MAP7D2: variants seen among roughly 807,000 people sequenced by gnomAD.
MAP7D2 encodes the protein MAP7 domain containing 2.
A neutral mutation model predicts 63.5 loss-of-function variants in MAP7D2; 33 were observed. The ratio of observed to expected loss-of-function variants is 0.52; its 90% CI spans 0.39 to 0.70. The LOEUF is 0.70. Ranked by LOEUF, MAP7D2 falls within the 30% of genes least tolerant of loss-of-function variation. The pLI is 0.00. For synonymous variants in MAP7D2, 224 were observed against 223.7 expected, an observed-to-expected ratio of 1.00 and a Z score of -0.01; for missense variants, 626 against 604.0, an observed-to-expected ratio of 1.04 and a Z score of -0.38.
chrX:20,022,880 T>C (rs1166886545), intron 10 of MAP7D2, among the ~76,000 whole-genome samples: 1 of 112,487 alleles, frequency 8.9e-6, no homozygotes, highest in Non-Finnish European at 1.9e-5. Flanking sequence ...AAACAATCTA[T>C]AGATTTGTGC....
chrX:20,092,994 C>T (rs192220870), intron 1 of MAP7D2, among the ~76,000 whole-genome samples: 47 of 111,951 alleles, frequency 4.2e-4, no homozygotes, highest in Admixed American at 3.8e-4. Flanking sequence ...GTTCATTGCT[C>T]CCCAGGCTGT....
intron 8 of MAP7D2, among the ~76,000 whole-genome samples, chrX:20,031,527 G>A (rs1206443203): frequency 1.8e-5 from 2 of 110,248 alleles, no homozygotes; most frequent in Non-Finnish European, 3.8e-5. Context: ...GTACAAAGGA[G>A]AGGGCGAGGC....
At position 20,012,494 on chromosome X, in the gene MAP7D2, C is replaced by T. The variant is rs1008418062; in HGVS notation, c.1927G>A (p.Asp643Asn). 1.7e-6 allele frequency: 2 copies of T among 1,202,744 alleles called. No homozygotes were observed. Among genetic ancestry groups the T allele is most frequent in the African/African-American group, 1.7e-5 (1 of 57,615 alleles). The change falls in exon 15 of 17, where the codon GAT becomes AAT. Residue 643 changes from aspartate (D) to asparagine (N), a missense_variant. By Grantham distance (23) the Asp-to-Asn change is conservative. Transcript: ENST00000379643. ...GGATAAGTTTCTGGGGCAGCGTGAT[C>T]CACACCATTAACTTCCTGGCAGGTG... ...LNTCQEVNGV[D>N]HAAPETYPQD...
At chrX:20,091,516 A>G (rs1422639064) in intron 1 of MAP7D2, among the ~76,000 whole-genome samples, 1 of 110,065 alleles carries the variant, frequency 9.1e-6, no homozygotes, top group East Asian at 2.9e-4. Flanking sequence ...CTAAAAATAC[A>G]AAAATTAGCC....
At chrX:20,032,877 C>A (rs2074098429) in intron 8 of MAP7D2, among the ~76,000 whole-genome samples, 1 of 112,229 alleles carries the variant, frequency 8.9e-6, no homozygotes, top group Non-Finnish European at 1.9e-5. Flanking sequence ...GCTTCCTGAC[C>A]CAAAAGATGC....
At position 20,098,868 on chromosome X, in the gene MAP7D2, G is replaced by A. The variant is rs1398643524; in HGVS notation, c.130+17882C>T. Among the ~76,000 whole-genome samples, 4 of 112,568 alleles carry A rather than the reference G, an allele frequency of 3.6e-5. No homozygotes were observed. In the South Asian group the frequency reaches 1.1e-3, roughly 31 times the overall value. ...ACACAGCAGGCAGAGATAAGTGGAT[G>A]TCTAAGAAGTCAGCAGCACTCCATA... On this transcript the variant is annotated intron_variant, in intron 1 of 16. Transcript: ENST00000379643.
chrX:20,050,416 CT>C (rs1176926627), intron 6 of MAP7D2, among the ~76,000 whole-genome samples: 1 of 112,128 alleles, frequency 8.9e-6, no homozygotes, highest in Non-Finnish European at 1.9e-5. Flanking sequence ...TTTAAAATAG[CT>C]CCATCTTATA....
chrX:20,056,784 A>C lies in MAP7D2; in HGVS notation c.380T>G (p.Leu127Arg), dbSNP rs1330252542. 5 of 1,210,080 alleles carry C rather than the reference A, an allele frequency of 4.1e-6. No homozygotes were observed. The highest frequency in any genetic ancestry group is 2.4e-4 in the Middle Eastern group (1 of 4,212). The part of the protein sequence containing the change: ...KQKLREEEER[L>R]EAMMRRSLER... ...CAGGGACCGGCGCATCATCGCCTCC[A>C]GCCGTTCCTACACAGTTCGTGTAAG... is the stretch of plus-strand genomic sequence containing the variant. The change falls in exon 4 of 17, where the codon CTG becomes CGG. Residue 127 changes from leucine to arginine, a missense_variant. By Grantham distance (102) the Leu-to-Arg change is moderately radical. Coordinates refer to ENST00000379643, the MANE Select transcript of MAP7D2 (RefSeq NM_001168465.2).
At chrX:20,094,515 TG>T (rs2066172563) in intron 1 of MAP7D2, among the ~76,000 whole-genome samples, 1 of 5,593 alleles carries the variant, frequency 1.8e-4, no homozygotes, top group Non-Finnish European at 2.7e-4. Flanking sequence ...TATATATATA[TG>T]TATATATATA....
At chrX:20,010,651 T>C in intron 16 of MAP7D2, 126 bp downstream of exon 16, 1 of 528,372 alleles carries the variant, frequency 1.9e-6, no homozygotes, top group Non-Finnish European at 3.1e-6. Flanking sequence ...TAGTATACCA[T>C]AATATATTCA....
At chrX:20,079,716 C>A (rs1452328647) in intron 1 of MAP7D2, among the ~76,000 whole-genome samples, 2 of 111,770 alleles carry the variant, frequency 1.8e-5, no homozygotes, top group East Asian at 2.8e-4. Flanking sequence ...AGAGGCAAGA[C>A]CTTTTGAAAA....
At chrX:20,029,018 T>A (rs774749895) in intron 8 of MAP7D2, among the ~76,000 whole-genome samples, 1 of 111,921 alleles carries the variant, frequency 8.9e-6, no homozygotes, top group African/African-American at 3.2e-5. Context: ...TTTCTCTGAT[T>A]GGTGAGAATG....
chrX:20,098,911 T>C, intron 1 of MAP7D2, among the ~76,000 whole-genome samples: 2 of 112,721 alleles, frequency 1.8e-5, no homozygotes, highest in Non-Finnish European at 3.8e-5. Context: ...GGCCACAGTT[T>C]GGTTCAGGCT....
intron 3 of MAP7D2, among the ~76,000 whole-genome samples, chrX:20,057,605 C>T (rs1390744473): frequency 8.9e-6 from 1 of 111,735 alleles, no homozygotes; most frequent in Non-Finnish European, 1.9e-5. Flanking sequence ...TCTAATTCTG[C>T]ACTCCCCACC....
chrX:20,015,572 T>C (rs183554966), intron 11 of MAP7D2, among the ~76,000 whole-genome samples: 2 of 112,778 alleles, frequency 1.8e-5, no homozygotes, highest in Non-Finnish European at 3.8e-5. Flanking sequence ...CCAAGGCTTT[T>C]CTGTGTCTGT....
At chrX:20,099,329 G>A (rs1180816830) in intron 1 of MAP7D2, among the ~76,000 whole-genome samples, 2 of 109,753 alleles carry the variant, frequency 1.8e-5, no homozygotes, top group African/African-American at 6.7e-5. Flanking sequence ...AGCCTAGAAA[G>A]GTAAGAATGA....
intron 8 of MAP7D2, among the ~76,000 whole-genome samples, chrX:20,035,874 T>C (rs1042509842): frequency 8.2e-5 from 9 of 110,184 alleles, no homozygotes; most frequent in African/African-American, 2.3e-4. Context: ...GATTGCACCG[T>C]TGCACTCCAG....
intron 1 of MAP7D2, among the ~76,000 whole-genome samples, chrX:20,107,045 C>T (rs1024689316): frequency 9.1e-6 from 1 of 110,180 alleles, no homozygotes; most frequent in African/African-American, 3.3e-5. Flanking sequence ...TTAGTAATGA[C>T]GGCAAGGGCG....
At chrX:20,069,054 T>C (rs1195430753) in intron 1 of MAP7D2, among the ~76,000 whole-genome samples, 1 of 112,177 alleles carries the variant, frequency 8.9e-6, no homozygotes, top group Non-Finnish European at 1.9e-5. Flanking sequence ...GTCTTGGATA[T>C]GTCTTTATCA....
Sources: allele counts gnomAD v4.1 joint callset (sites outside exome capture counted in the v4.1 genomes callset), GRCh38; gene constraint gnomAD v4.1.1; transcripts MANE v1.5; gene names NCBI Gene and HGNC (gene_info 2026-07-23, HGNC 2026-07-21).